Variants in GBX2 observed in about 807,000 individuals in gnomAD.
The protein encoded by GBX2 is gastrulation brain homeobox 2.
In GBX2, 5 loss-of-function variants were observed where a neutral mutation model predicts 22.4. That is an observed-to-expected ratio of 0.22 (90% CI 0.12 to 0.47). The LOEUF (loss-of-function observed/expected upper bound fraction) is 0.47. Ranked by LOEUF, GBX2 falls within the 20% of genes least tolerant of loss-of-function variation. The pLI is 0.99. For missense variants in GBX2, 470 were observed against 495.4 expected, an observed-to-expected ratio of 0.95 and a Z score of 0.49; for synonymous variants, 220 against 230.5, an observed-to-expected ratio of 0.95 and a Z score of 0.41.
At chr2:236,162,243 G>A (rs79673922), downstream of GBX2, among the ~76,000 whole-genome samples, 226 of 152,316 alleles carry the variant, frequency 1.5e-3, 1 homozygote, top group African/African-American at 5.1e-3. Flanking sequence ...GATGTCCTCC[G>A]AGGCAAACCC....
Position 236,167,608 on chromosome 2 carries a change from C to T in GBX2, c.364G>A (p.Ala122Thr), listed in dbSNP as rs747702977. The T allele has an allele frequency of 6.3e-7, 1 of 1,593,772 alleles. No homozygotes were observed. The highest frequency in any genetic ancestry group is 2.3e-5 in the East Asian group (1 of 43,944). ...TGCGGCGCGAACTTGCGGGCCGCTG[C>T]CGCCTCCTGGTGCTGGGGCGACGCG... ...FSASPQHQEAAAARKFAPQPL... is the reference protein window; with the variant it reads ...FSASPQHQEATAARKFAPQPL... The change falls in exon 1 of 2, where the codon GCA becomes ACA. Residue 122 changes from alanine to threonine, a missense_variant. Physicochemically the swap from Ala to Thr is moderately conservative, Grantham distance 58 (BLOSUM62 0). This residue lies in a region of GBX2 where 377 missense variants were observed against 358.6 expected (regional missense o/e 1.05). Transcript: ENST00000306318.
rs573423569 is a variant in GBX2, at chr2:236,166,728, C to A, written c.524-291G>T. 2.0e-5 allele frequency among the ~76,000 whole-genome samples: 3 copies of A among 152,108 alleles called. No individual in the cohort carries two copies. Among genetic ancestry groups the A allele is most frequent in the Non-Finnish European group, 4.4e-5 (3 of 68,022 alleles). ...CGCACCCTCCCAGCCTCGGCAGCGT[C>A]AGGAGAAGTAGCAGGAGGCGCGAGG... On this transcript the variant is annotated intron_variant, in intron 1 of 1. Coordinates refer to ENST00000306318, the MANE Select transcript of GBX2 (RefSeq NM_001485.4). The surrounding 1 kb of genome is among the most constrained non-coding windows in gnomAD (Gnocchi z 6.6).
downstream of GBX2, among the ~76,000 whole-genome samples, chr2:236,165,044 T>G (rs1399359224): frequency 6.6e-6 from 1 of 152,132 alleles, no homozygotes; most frequent in Non-Finnish European, 1.5e-5. Context: ...TTTCTTAAAT[T>G]CGTAATCCTA....
downstream of GBX2, among the ~76,000 whole-genome samples, chr2:236,162,432 C>G (rs1035711005): frequency 3.3e-5 from 5 of 152,216 alleles, no homozygotes; most frequent in African/African-American, 1.2e-4. Context: ...GCAGGTGGGT[C>G]CCGGCTGCTG....
chr2:236,161,994 A>G (rs1446840682), downstream of GBX2, among the ~76,000 whole-genome samples: 4 of 152,348 alleles, frequency 2.6e-5, no homozygotes. Flanking sequence ...GGGGCATAAC[A>G]TGGGACTCTG....
intron 1 of GBX2, chr2:236,167,099 G>A (rs2106250884): frequency 6.6e-7 from 1 of 1,525,678 alleles, no homozygotes. Flanking sequence ...CGGCTGAGAC[G>A]CGCAGCCCAA....
At chr2:236,164,345 G>A (rs946098487), downstream of GBX2, among the ~76,000 whole-genome samples, 1 of 152,068 alleles carries the variant, frequency 6.6e-6, no homozygotes, top group African/African-American at 2.4e-5. Flanking sequence ...TGCTGGCTTG[G>A]TGGCACCACG....
chr2:236,166,167 T>G lies in GBX2; in HGVS notation c.794A>C (p.Glu265Ala). 1 of 1,614,068 alleles carries G rather than the reference T, an allele frequency of 6.2e-7. No individual in the cohort carries two copies. The highest frequency in any genetic ancestry group is 8.5e-7 in the Non-Finnish European group (1 of 1,180,036). Reference sequence around the variant, plus strand: ...GGAGAGGTACTTTTTGCAGTGGAACTCCTTCTCTAGCTCCAGCAGCTGCTC... The same window carrying G: ...GGAGAGGTACTTTTTGCAGTGGAACGCCTTCTCTAGCTCCAGCAGCTGCTC... ...TSEQLLELEK[E>A]FHCKKYLSLT... Residue 265 changes from glutamate (E) to alanine (A), a missense_variant, in exon 2 of 2, where the codon GAG becomes GCG. This residue lies in a region of GBX2 where 40 missense variants were observed against 55.1 expected (regional missense o/e 0.73). Transcript: ENST00000306318. This position sits in a 1 kb window ranked among gnomAD's most constrained non-coding sequence, Gnocchi z 6.6.
Position 236,166,669 on chromosome 2 carries a change from A to G in GBX2, c.524-232T>C, listed in dbSNP as rs1388446567. ...CAGTACAGGCGACGGCCCTTTGCCC[A>G]GAACCATCACTCAAAGGGCCGCCAT... is the stretch of plus-strand genomic sequence containing the variant. On this transcript the variant is annotated intron_variant, in intron 1 of 1. Coordinates refer to ENST00000306318, the MANE Select transcript of GBX2 (RefSeq NM_001485.4). This position sits in a 1 kb window ranked among gnomAD's most constrained non-coding sequence, Gnocchi z 6.6. 2.0e-5 allele frequency among the ~76,000 whole-genome samples: 3 copies of G among 152,124 alleles called. No individual in the cohort carries two copies. The highest frequency in any genetic ancestry group is 7.2e-5 in the African/African-American group (3 of 41,432).
downstream of GBX2, among the ~76,000 whole-genome samples, chr2:236,164,346 T>C (rs968066748): frequency 6.6e-6 from 1 of 152,046 alleles, no homozygotes; most frequent in African/African-American, 2.4e-5. Context: ...GCTGGCTTGG[T>C]GGCACCACGC....
At position 236,166,107 on chromosome 2, in the gene GBX2, T is replaced by G; in HGVS notation, c.854A>C (p.Lys285Thr). 1 of 1,614,226 alleles carries G rather than the reference T, an allele frequency of 6.2e-7. No homozygotes were observed. The highest frequency in any genetic ancestry group is 1.1e-5 in the South Asian group (1 of 91,092). The change falls in exon 2 of 2, where the codon AAA (lysine) becomes ACA (threonine). Residue 285 changes from lysine (K) to threonine (T), a missense_variant. Physicochemically the swap from Lys to Thr is moderately conservative, Grantham distance 78 (BLOSUM62 -1). Around this residue, in one of 4 missense-constraint regions of GBX2, gnomAD observed 40 missense variants for 55.1 expected, o/e 0.73. Transcript: ENST00000306318. The surrounding 1 kb of genome is among the most constrained non-coding windows in gnomAD (Gnocchi z 6.6). Reference protein sequence around the residue: ...TERSQIAHALKLSEVQVKIWF... With the variant: ...TERSQIAHALTLSEVQVKIWF... ...GATTTTCACCTGCACCTCGCTGAGT[T>G]TGAGGGCGTGGGCGATCTGCGAGCG...
At chr2:236,163,604 C>G (rs1043591268), downstream of GBX2, among the ~76,000 whole-genome samples, 10 of 152,312 alleles carry the variant, frequency 6.6e-5, no homozygotes, top group East Asian at 1.9e-3. Flanking sequence ...AGGGTCTCTT[C>G]CCCCGACCCG....
Position 236,166,544 on chromosome 2 carries a change from G to A in GBX2, c.524-107C>T. On this transcript the variant is annotated intron_variant, in intron 1 of 1. Coordinates refer to ENST00000306318, the MANE Select transcript of GBX2 (RefSeq NM_001485.4). The surrounding 1 kb of genome is among the most constrained non-coding windows in gnomAD (Gnocchi z 6.6). ...CGCGCCCCCCGCCCCCCACCCTTTA[G>A]CGGATTGTCTTTCTATGACATTAAC... 1 of 967,964 alleles carries A rather than the reference G, an allele frequency of 1.0e-6. No homozygotes were observed. Among genetic ancestry groups the A allele is most frequent in the Non-Finnish European group, 1.6e-6 (1 of 633,844 alleles). The allele number at this position is 967,964 out of a possible 1,614,324, so 60.0% of individuals were successfully genotyped here.
chr2:236,167,345 C>T, intron 1 of GBX2, 104 bp downstream of exon 1: 5 of 1,373,916 alleles, frequency 3.6e-6, no homozygotes, highest in East Asian at 2.6e-5. Flanking sequence ...GGGGGTCGAG[C>T]GGGGGCGCGG....
intron 1 of GBX2, 79 bp downstream of exon 1, chr2:236,167,370 T>A: frequency 7.1e-7 from 1 of 1,399,926 alleles, no homozygotes; most frequent in East Asian, 2.8e-5. Context: ...GCCCCCTTGG[T>A]CTCCCGCGGG....
At position 236,167,467 on chromosome 2, in the gene GBX2, T is replaced by C. The variant is rs2060247627; in HGVS notation, c.505A>G (p.Thr169Ala). 1.3e-6 allele frequency: 2 copies of C among 1,574,806 alleles called. No homozygotes were observed. The highest frequency in any genetic ancestry group is 1.7e-6 in the Non-Finnish European group (2 of 1,168,360). ...GSLLAFSAAE[T>A]VQASLVGAVR... ...GACTCACCGAGCGAAGCCTGCACCG[T>C]CTCGGCCGCGGAGAAGGCGAGCAGC... Residue 169 changes from threonine (T) to alanine (A), a missense_variant, in exon 1 of 2, where the codon ACG (threonine) becomes GCG (alanine). By Grantham distance (58) the Thr-to-Ala change is moderately conservative (BLOSUM62 0). Transcript: ENST00000306318.
chr2:236,168,169 G>C lies in GBX2; in HGVS notation c.-198C>G, dbSNP rs1344386927. On this transcript the variant is annotated 5_prime_UTR_variant, in exon 1 of 2. Transcript: ENST00000306318. Reference sequence around the variant, plus strand: ...TGCAGGGGGTGTGCGGGGTGAGGCCGTGCGCCCCGGAGTGGAGAGGGCGCC... The same window carrying C: ...TGCAGGGGGTGTGCGGGGTGAGGCCCTGCGCCCCGGAGTGGAGAGGGCGCC... The C allele has an allele frequency of 1.4e-5, 6 of 436,456 alleles. No individual in the cohort carries two copies. The highest frequency in any genetic ancestry group is 6.7e-4 in the Middle Eastern group (1 of 1,498). The allele number at this position is 436,456 out of a possible 1,614,324, so 27.0% of individuals were successfully genotyped here.
downstream of GBX2, among the ~76,000 whole-genome samples, chr2:236,161,572 C>T (rs980461969): frequency 2.6e-5 from 4 of 152,232 alleles, no homozygotes; most frequent in Admixed American, 2.0e-4. Flanking sequence ...TCCCCCAAGA[C>T]CCCAGAGCCC....
Position 236,166,260 on chromosome 2 carries a change from C to G in GBX2, c.701G>C (p.Ser234Thr), listed in dbSNP as rs373486610. The change falls in exon 2 of 2, where the codon AGC becomes ACC. Residue 234 changes from serine (S) to threonine (T), a missense_variant. Coordinates refer to ENST00000306318, the MANE Select transcript of GBX2 (RefSeq NM_001485.4). The surrounding 1 kb of genome is among the most constrained non-coding windows in gnomAD (Gnocchi z 6.6). ...CGTGGTGCTGCCCGCGGCGCCGCTG[C>G]TCGGCGGGGTCTCCTCCAGCGCGTG... ...PGHALEETPP[S>T]SGAAGSTTST... 5.0e-6 allele frequency: 8 copies of G among 1,613,538 alleles called. No homozygotes were observed. The African/African-American group carries it at 5.3e-5, about 11-fold the overall frequency.
Sources: allele counts gnomAD v4.1 joint callset (sites outside exome capture counted in the v4.1 genomes callset), GRCh38; gene constraint gnomAD v4.1.1; regional missense constraint gnomAD v4.1.1; non-coding constraint Gnocchi (gnomAD v3.1); transcripts MANE v1.5; gene names NCBI Gene and HGNC (gene_info 2026-07-23, HGNC 2026-07-21).